Variants in ZNF99 observed in about 807,000 individuals in gnomAD.
ZNF99 encodes the protein zinc finger protein ENSP00000375192.
A neutral mutation model predicts 12.8 loss-of-function variants in ZNF99; 8 were observed. The ratio of observed to expected loss-of-function variants is 0.62; its 90% CI spans 0.37 to 1.13. The LOEUF is 1.13. Among genes scored for constraint, ZNF99 ranks in the 50% most tolerant of loss-of-function variants. The pLI, the probability that ZNF99 is intolerant of heterozygous loss-of-function variation, is 0.02. For missense variants in ZNF99, 1,007 were observed against 1,006.2 expected, an observed-to-expected ratio of 1.00 and a Z score of -0.01; for synonymous variants, 318 against 319.0, an observed-to-expected ratio of 1.00 and a Z score of 0.03.
Position 22,759,309 on chromosome 19 carries a change from G to A in ZNF99, c.600C>T (p.Ile200=). ...QHKRIHTREN[I]YKCEERGKAF... The stretch of plus-strand genomic sequence containing the variant: ...CTTTGCCACGTTCTTCACATTTGTA[G>A]ATATTCTCTCTAGTATGAATTCTCT... The change falls in exon 4 of 4, where the codon ATC becomes ATT. Residue 200 remains isoleucine, a synonymous_variant. Coordinates refer to ENST00000596209, the MANE Select transcript of ZNF99 (RefSeq NM_001080409.3). The A allele has an allele frequency of 2.6e-6, 4 of 1,549,328 alleles. No homozygotes were observed. The highest frequency in any genetic ancestry group is 3.5e-6 in the Non-Finnish European group (4 of 1,147,980).
Position 22,758,092 on chromosome 19 carries a change from G to A in ZNF99, c.1817C>T (p.Ser606Leu). ...EECGKAFNHF[S>L]ALRKHQIIHT... The stretch of plus-strand genomic sequence containing the variant: ...AATTATCTGATGTTTTCTAAGGGCT[G>A]AGAAGTGGTTAAAAGCTTTGCCACA... Residue 606 changes from serine to leucine, a missense_variant, in exon 4 of 4, where the codon TCA (serine) becomes TTA (leucine). Ser to Leu is a moderately radical substitution (Grantham distance 145). Transcript: ENST00000596209. The A allele has an allele frequency of 6.2e-7, 1 of 1,604,906 alleles. No homozygotes were observed. Among genetic ancestry groups the A allele is most frequent in the Non-Finnish European group, 8.5e-7 (1 of 1,173,788 alleles).
chr19:22,782,354 C>CT (rs34661397), intron 1 of ZNF99, among the ~76,000 whole-genome samples: 28,197 of 148,642 alleles, frequency 0.19, 3,440 homozygotes, highest in African/African-American at 0.36. Context: ...CTGATATCTA[C>CT]TTTTTTTTTT....
chr19:22,776,863 A>C (rs1193780033), intron 1 of ZNF99, among the ~76,000 whole-genome samples: 1 of 148,270 alleles, frequency 6.7e-6, no homozygotes, highest in African/African-American at 2.5e-5. Flanking sequence ...AATATGGTAC[A>C]GGTAAGGTTT....
intron 1 of ZNF99, chr19:22,773,916 C>T (rs2145155675): frequency 6.6e-6 from 1 of 152,326 alleles, no homozygotes; most frequent in South Asian, 2.1e-4. Flanking sequence ...ACTGCACCTT[C>T]ACATTAATGG....
At chr19:22,776,517 A>G (rs1293977568) in intron 1 of ZNF99, among the ~76,000 whole-genome samples, 1 of 143,518 alleles carries the variant, frequency 7.0e-6, no homozygotes, top group African/African-American at 2.5e-5. Context: ...GCAAAGAAAA[A>G]CCACAATGAT....
At position 22,753,788 on chromosome 19, in the gene ZNF99, A is replaced by AT. The variant is rs1326400898; in HGVS notation, c.*3525dup. The AT allele has an allele frequency of 1.8e-5, 4 of 217,480 alleles. No individual in the cohort carries two copies. Among genetic ancestry groups the AT allele is most frequent in the Admixed American group, 5.3e-5 (1 of 18,996 alleles). The allele number at this position is 217,480 out of a possible 1,614,324, so 13.5% of individuals were successfully genotyped here. ...TTTTCCACATTCTTCATAGGTGTACATTTTTTTTCAAGTATAAATGCTTTC... is the reference window on the plus strand; with the variant it reads ...TTTTCCACATTCTTCATAGGTGTACATTTTTTTTTCAAGTATAAATGCTTTC... On this transcript the variant is annotated 3_prime_UTR_variant, in exon 4 of 4. Transcript: ENST00000596209.
In ZNF99 at chr19:22,753,447, A is replaced by T. The variant is rs1972999731; in HGVS notation, c.*3867T>A. ...ACAAAAAAAACTTACTCTGTTTTCT[A>T]AGCTGTAGTTTATAAACTTTTTTCC... On this transcript the variant is annotated 3_prime_UTR_variant, in exon 4 of 4. Coordinates refer to ENST00000596209, the MANE Select transcript of ZNF99 (RefSeq NM_001080409.3). The T allele has an allele frequency of 6.6e-6, 1 of 152,102 alleles. No individual in the cohort carries two copies. The highest frequency in any genetic ancestry group is 2.1e-4 in the South Asian group (1 of 4,834). 9.4% of individuals were successfully genotyped at this position (152,102 alleles called of 1,614,324 possible).
intron 1 of ZNF99, among the ~76,000 whole-genome samples, chr19:22,778,200 CCT>C (rs1444323694): frequency 6.6e-6 from 1 of 151,566 alleles, no homozygotes; most frequent in Non-Finnish European, 1.5e-5. Flanking sequence ...GAACTTTTTT[CCT>C]CTTTTTTATC....
At chr19:22,782,448 C>T (rs1225308748) in intron 1 of ZNF99, among the ~76,000 whole-genome samples, 1 of 151,734 alleles carries the variant, frequency 6.6e-6, no homozygotes, top group Non-Finnish European at 1.5e-5. Flanking sequence ...CTCTATCTCC[C>T]GGGTTCAAGC....
rs925241817 is a variant in ZNF99 at position 22,774,109 on chromosome 19, A to T, written c.4-4785T>A. 2.0e-5 allele frequency: 3 copies of T among 153,284 alleles called. No homozygotes were observed. In the Admixed American group the frequency reaches 2.0e-4, roughly 10 times the overall value. 9.5% of individuals were successfully genotyped at this position (153,284 alleles called of 1,614,324 possible). On this transcript the variant is annotated intron_variant, in intron 1 of 3. Coordinates refer to ENST00000596209, the MANE Select transcript of ZNF99 (RefSeq NM_001080409.3). ...AGACACCCAAAGCACTGGACAGAAA[A>T]ACAGCTCTCAGTCTGAGCAAGATTA...
At position 22,756,150 on chromosome 19, in the gene ZNF99, T is replaced by C. The variant is rs1973047587; in HGVS notation, c.*1164A>G. 4.6e-6 allele frequency: 7 copies of C among 1,512,178 alleles called. No homozygotes were observed. In the Admixed American group the frequency reaches 9.3e-5, roughly 20 times the overall value. 93.7% of individuals were successfully genotyped at this position (1,512,178 alleles called of 1,614,324 possible). Reference sequence around the variant, plus strand: ...GGTCTGTCTCTAGTATAAATTATCTTATGTGTATTAAGGTTTGTAAAATGG... The same window carrying C: ...GGTCTGTCTCTAGTATAAATTATCTCATGTGTATTAAGGTTTGTAAAATGG... On this transcript the variant is annotated 3_prime_UTR_variant, in exon 4 of 4. Coordinates refer to ENST00000596209, the MANE Select transcript of ZNF99 (RefSeq NM_001080409.3).
intron 3 of ZNF99, among the ~76,000 whole-genome samples, chr19:22,767,011 T>C (rs748690995): frequency 3.2e-4 from 49 of 150,812 alleles, no homozygotes; most frequent in Middle Eastern, 3.4e-3. Flanking sequence ...TAAAAAGAAA[T>C]GTAATTCCAG....
Position 22,757,061 on chromosome 19 carries a change from A to G in ZNF99, c.*253T>C, listed in dbSNP as rs1188050153. 6.2e-7 allele frequency: 1 copy of G among 1,612,764 alleles called. No individual in the cohort carries two copies. The highest frequency in any genetic ancestry group is 1.7e-5 in the Admixed American group (1 of 59,950). On this transcript the variant is annotated 3_prime_UTR_variant, in exon 4 of 4. Coordinates refer to ENST00000596209, the MANE Select transcript of ZNF99 (RefSeq NM_001080409.3). ...TTTGTACGATTTCTCCCTAGTATGA[A>G]TTAGCTTATGTTTCTTAAGGGTTGA...
intron 1 of ZNF99, among the ~76,000 whole-genome samples, chr19:22,772,266 G>GATT (rs1179532732): frequency 2.0e-5 from 3 of 152,160 alleles, no homozygotes; most frequent in African/African-American, 7.2e-5. Context: ...GAATAACATT[G>GATT]ATTATTGATT....
rs1355532803 is a variant in ZNF99, at chr19:22,754,762, ATTGT to A, written c.*2548_*2551del. On this transcript the variant is annotated 3_prime_UTR_variant, in exon 4 of 4. Transcript: ENST00000596209. ...TTTGTAGGGTTTCTCTTCAGTATAAATTGTTTATTAAGAATTGAAGAATTAGGCT... is the reference window on the plus strand; with the variant it reads ...TTTGTAGGGTTTCTCTTCAGTATAAATTATTAAGAATTGAAGAATTAGGCT... The A allele has an allele frequency of 7.0e-5, 16 of 229,962 alleles. 1 individual carries two copies. In the South Asian group the frequency reaches 7.6e-4, roughly 11 times the overall value. The allele number at this position is 229,962 out of a possible 1,614,324, so 14.2% of individuals were successfully genotyped here.
In ZNF99 at chr19:22,757,697, A is replaced by G; in HGVS notation, c.2212T>C (p.Cys738Arg). 1 of 1,612,090 alleles carries G rather than the reference A, an allele frequency of 6.2e-7. No homozygotes were observed. The highest frequency in any genetic ancestry group is 1.7e-5 in the Admixed American group (1 of 59,970). The change falls in exon 4 of 4, where the codon TGT (cysteine) becomes CGT (arginine). Residue 738 changes from cysteine (C) to arginine (R), a missense_variant. Coordinates refer to ENST00000596209, the MANE Select transcript of ZNF99 (RefSeq NM_001080409.3). Reference sequence around the variant, plus strand: ...GAGGACCACTTAAAAGCTTTACCACATTCTTCACATTTGTAGGGTTTCTCT... The same window carrying G: ...GAGGACCACTTAAAAGCTTTACCACGTTCTTCACATTTGTAGGGTTTCTCT... The part of the protein sequence containing the change: ...TGEKPYKCEE[C>R]GKAFKWSSKL...
chr19:22,782,347 A>AT (rs1973396706), intron 1 of ZNF99, among the ~76,000 whole-genome samples: 4 of 148,658 alleles, frequency 2.7e-5, no homozygotes, highest in Admixed American at 2.7e-4. Flanking sequence ...CTAGTGCCTG[A>AT]TATCTACTTT....
chr19:22,757,198 T>C lies in ZNF99; in HGVS notation c.*116A>G, dbSNP rs1973073970. 3 of 1,612,976 alleles carry C rather than the reference T, an allele frequency of 1.9e-6. No homozygotes were observed. Among genetic ancestry groups the C allele is most frequent in the Non-Finnish European group, 2.5e-6 (3 of 1,179,296 alleles). On this transcript the variant is annotated 3_prime_UTR_variant, in exon 4 of 4. Transcript: ENST00000596209. Reference sequence around the variant, plus strand: ...ACTGCTTAAAAGCTTTGCCACATTCTTCACATTTGTATGGTTTCTTCCCAG... The same window carrying C: ...ACTGCTTAAAAGCTTTGCCACATTCCTCACATTTGTATGGTTTCTTCCCAG...
At chr19:22,759,882 G>A (rs1037379219) in intron 3 of ZNF99, among the ~76,000 whole-genome samples, 200 bp from the exon 4 acceptor site, 4 of 151,376 alleles carry the variant, frequency 2.6e-5, no homozygotes, top group African/African-American at 9.8e-5. Flanking sequence ...TTATAAATAA[G>A]TTAAGTGTGT....
Sources: allele counts gnomAD v4.1 joint callset (sites outside exome capture counted in the v4.1 genomes callset), GRCh38; gene constraint gnomAD v4.1.1; transcripts MANE v1.5; gene names NCBI Gene and HGNC (gene_info 2026-07-23, HGNC 2026-07-21).